Variants in ZCCHC7 observed in about 807,000 individuals in gnomAD.
ZCCHC7 encodes the protein zinc finger CCHC domain-containing protein 7.
In ZCCHC7, 35 loss-of-function variants were observed where a neutral mutation model predicts 52.0. The observed-to-expected ratio is 0.67, with a 90% CI of 0.51 to 0.89. The LOEUF is 0.89. ZCCHC7 is among the 40% of genes least tolerant of loss of function. The probability of loss-of-function intolerance (pLI) is 0.00; values close to 1 mark genes in which losing one functional copy is unlikely to be tolerated. For synonymous variants in ZCCHC7, 217 were observed against 221.5 expected, an observed-to-expected ratio of 0.98 and a Z score of 0.18; for missense variants, 574 against 649.1, an observed-to-expected ratio of 0.88 and a Z score of 1.26.
rs1481250988 is a variant in ZCCHC7, at chr9:37,327,815, G to A, written c.968G>A (p.Trp323Ter). The change falls in exon 6 of 9, where the codon TGG (tryptophan) becomes TAG (stop). Residue 323 changes from tryptophan to a stop codon, truncating the protein, a stop_gained. Transcript: ENST00000336755. LOFTEE classifies it high-confidence loss of function. Reference sequence around the variant, plus strand: ...ATTTTCCAGGCTTGCACAGAAATCTGGAGGCAGTATCACCTAACGGTGAGT... The same window carrying A: ...ATTTTCCAGGCTTGCACAGAAATCTAGAGGCAGTATCACCTAACGGTGAGT... Reference protein sequence around the residue: ...GHYTDACTEIWRQYHLTTKPG... With the variant: ...GHYTDACTEI 1 of 1,612,970 alleles carries A rather than the reference G, an allele frequency of 6.2e-7. No individual in the cohort carries two copies. The highest frequency in any genetic ancestry group is 8.5e-7 in the Non-Finnish European group (1 of 1,179,332).
chr9:37,345,951 A>G (rs1039745339), intron 6 of ZCCHC7, among the ~76,000 whole-genome samples: 4 of 151,998 alleles, frequency 2.6e-5, no homozygotes, highest in Admixed American at 2.0e-4. Context: ...AGTTGTTTGA[A>G]GTAGTTTTTT....
At chr9:37,288,348 ATT>A (rs34571526) in intron 2 of ZCCHC7, among the ~76,000 whole-genome samples, 1 of 141,466 alleles carries the variant, frequency 7.1e-6, no homozygotes, top group African/African-American at 2.6e-5. Context: ...AGGTAGATAG[ATT>A]TTTTTTTTTT....
At chr9:37,252,009 T>A (rs1826354316) in intron 2 of ZCCHC7, among the ~76,000 whole-genome samples, 1 of 152,228 alleles carries the variant, frequency 6.6e-6, no homozygotes, top group South Asian at 2.1e-4. Context: ...TAGACTTATT[T>A]TAATTCACAA....
At chr9:37,210,445 A>AG (rs1824156544) in intron 2 of ZCCHC7, among the ~76,000 whole-genome samples, 1 of 152,154 alleles carries the variant, frequency 6.6e-6, no homozygotes, top group African/African-American at 2.4e-5. Context: ...CCTATCTTAT[A>AG]TTACTGATCT....
chr9:37,348,546 A>G (rs1440178346), intron 6 of ZCCHC7, among the ~76,000 whole-genome samples: 2 of 151,782 alleles, frequency 1.3e-5, no homozygotes, highest in Non-Finnish European at 2.9e-5. Context: ...TGCCCAGCTA[A>G]TTTTTGTATT....
chr9:37,324,975 TAAAC>T (rs1450412647), intron 5 of ZCCHC7, among the ~76,000 whole-genome samples: 1 of 152,174 alleles, frequency 6.6e-6, no homozygotes. Flanking sequence ...AAGTGGGAAT[TAAAC>T]AACAGATGCA....
chr9:37,125,220 G>A (rs1179427238), intron 1 of ZCCHC7, among the ~76,000 whole-genome samples: 1 of 152,124 alleles, frequency 6.6e-6, no homozygotes, highest in Non-Finnish European at 1.5e-5. Context: ...TATGAGCATA[G>A]CTCACTGTAA....
At chr9:37,161,013 G>A (rs940427966) in intron 2 of ZCCHC7, among the ~76,000 whole-genome samples, 16 of 150,940 alleles carry the variant, frequency 1.1e-4, no homozygotes, top group Admixed American at 2.6e-4. Flanking sequence ...ACAGTGGCAC[G>A]ATCTCAGCTC....
chr9:37,268,386 C>CT (rs1827216622), intron 2 of ZCCHC7, among the ~76,000 whole-genome samples: 1 of 150,032 alleles, frequency 6.7e-6, no homozygotes, highest in Admixed American at 6.6e-5. Flanking sequence ...TGAATGTACT[C>CT]TTGAGCCCTG....
chr9:37,288,289 A>AG (rs1482024716), intron 2 of ZCCHC7, among the ~76,000 whole-genome samples: 1 of 151,324 alleles, frequency 6.6e-6, no homozygotes, highest in African/African-American at 2.4e-5. Context: ...CAAAAAAAAA[A>AG]AAAAATCTAT....
At chr9:37,321,154 A>G (rs1349004555) in intron 5 of ZCCHC7, among the ~76,000 whole-genome samples, 6 of 151,588 alleles carry the variant, frequency 4.0e-5, no homozygotes, top group African/African-American at 1.5e-4. Context: ...ACACCCGGCT[A>G]ATTTTTTGTA....
intron 2 of ZCCHC7, among the ~76,000 whole-genome samples, chr9:37,203,248 T>G (rs545621532): frequency 3.3e-4 from 50 of 152,356 alleles, no homozygotes; most frequent in Non-Finnish European, 6.3e-4. Context: ...TTGGTTTGTT[T>G]AAATGAGGTA....
At chr9:37,268,068 C>T (rs1053549582) in intron 2 of ZCCHC7, among the ~76,000 whole-genome samples, 1 of 152,156 alleles carries the variant, frequency 6.6e-6, no homozygotes, top group East Asian at 1.9e-4. Flanking sequence ...GCCCTATTAG[C>T]ATTTCTTATA....
chr9:37,210,025 A>AT (rs1212283628), intron 2 of ZCCHC7, among the ~76,000 whole-genome samples: 1 of 149,136 alleles, frequency 6.7e-6, no homozygotes, highest in Non-Finnish European at 1.5e-5. Flanking sequence ...ATTTATTTTT[A>AT]TTTTTTTATT....
intron 8 of ZCCHC7, 147 bp from the exon 9 acceptor site, chr9:37,356,688 C>A: frequency 1.5e-6 from 1 of 671,522 alleles, no homozygotes; most frequent in Non-Finnish European, 2.3e-6. Context: ...CTTGGAGCTA[C>A]AACTATTTAA....
At chr9:37,320,364 C>G (rs2118000746) in intron 5 of ZCCHC7, among the ~76,000 whole-genome samples, 1 of 152,330 alleles carries the variant, frequency 6.6e-6, no homozygotes, top group Middle Eastern at 3.4e-3. Flanking sequence ...AGGCATGAGC[C>G]ACCGCACCTG....
chr9:37,349,466 A>C lies in ZCCHC7; in HGVS notation c.1083+14A>C. On this transcript the variant is annotated intron_variant, in intron 7 of 8. Transcript: ENST00000336755. ...CATTATGGACACGTAAGTTTGAGTG[A>C]CATTTGGGCATGAAGCATTCTGTTG... 6.2e-7 allele frequency: 1 copy of C among 1,611,214 alleles called. No individual in the cohort carries two copies. Among genetic ancestry groups the C allele is most frequent in the East Asian group, 2.2e-5 (1 of 44,846 alleles).
chr9:37,351,348 G>A (rs1027724315), intron 7 of ZCCHC7, among the ~76,000 whole-genome samples: 12 of 152,010 alleles, frequency 7.9e-5, no homozygotes, highest in South Asian at 4.1e-4. Context: ...TTTGAGACAC[G>A]GTACAGAGTG....
chr9:37,250,084 A>T (rs1022011830), intron 2 of ZCCHC7, among the ~76,000 whole-genome samples: 2 of 152,188 alleles, frequency 1.3e-5, no homozygotes, highest in African/African-American at 4.8e-5. Context: ...AGACTTCCTC[A>T]TTTAAAAAAT....
Sources: gnomAD v4.1 joint callset for allele counts (sites outside exome capture counted in the v4.1 genomes callset) on GRCh38, gnomAD v4.1.1 for gene constraint, MANE v1.5 for transcripts, NCBI Gene and HGNC (gene_info 2026-07-23, HGNC 2026-07-21) for gene names.